MYL4: variants seen among roughly 807,000 people sequenced by gnomAD.
MYL4 encodes myosin light chain 4.
A neutral mutation model predicts 21.6 loss-of-function variants in MYL4; 16 were observed. That is an observed-to-expected ratio of 0.74 (90% CI 0.50 to 1.12). The LOEUF (loss-of-function observed/expected upper bound fraction) is 1.12. Among genes scored for constraint, MYL4 ranks in the 50% most tolerant of loss-of-function variants. The probability of loss-of-function intolerance (pLI) is 0.00; values close to 1 mark genes in which losing one functional copy is unlikely to be tolerated. For synonymous variants in MYL4, 82 were observed against 95.7 expected (o/e 0.86, Z 0.83); for missense variants, 249 against 252.9 (o/e 0.98, Z 0.11).
intron 1 of MYL4, among the ~76,000 whole-genome samples, chr17:47,201,017 CAAA>C (rs2064707321): frequency 6.6e-6 from 1 of 152,034 alleles, no homozygotes; most frequent in Admixed American, 6.6e-5. Flanking sequence ...ACTAAAAATA[CAAA>C]AATTAGCTGG....
At chr17:47,211,551 T>C (rs2064775794) in intron 1 of MYL4, among the ~76,000 whole-genome samples, 1 of 152,216 alleles carries the variant, frequency 6.6e-6, no homozygotes, top group Non-Finnish European at 1.5e-5. Context: ...AGGCAAACTG[T>C]GCCTTTTCCT....
chr17:47,218,703 C>T (rs944897492), intron 2 of MYL4, among the ~76,000 whole-genome samples: 1 of 152,106 alleles, frequency 6.6e-6, no homozygotes, highest in Non-Finnish European at 1.5e-5. Context: ...ACAGGAATTG[C>T]TTGAATCTGG....
upstream of MYL4, among the ~76,000 whole-genome samples, chr17:47,199,302 C>CA (rs564859340): frequency 0.046 from 3,398 of 73,564 alleles, 73 homozygotes; most frequent in African/African-American, 0.11. Context: ...GACTTTGTCT[C>CA]AAAAAAAAAA....
Position 47,223,052 on chromosome 17 carries a change from T to C in MYL4, c.*10T>C, listed in dbSNP as rs1223949374. 3.7e-6 allele frequency: 6 copies of C among 1,614,144 alleles called. No individual in the cohort carries two copies. The East Asian group carries it at 1.3e-4, about 36-fold the overall frequency. ...CATCATGTCAGGGTGAAGCAGAGTC[T>C]TCCAGGTGAGTGCAGCCTCTCCCTC... On this transcript the variant is annotated 3_prime_UTR_variant, in exon 6 of 7. Transcript: ENST00000393450.
exon 1 of MYL4, chr17:47,200,470 T>C (rs2064705352): frequency 6.6e-6 from 1 of 152,170 alleles, no homozygotes. Flanking sequence ...TCCTGCATTC[T>C]AGTCTCAGGT....
At chr17:47,197,676 A>C (rs1479583043), upstream of MYL4, among the ~76,000 whole-genome samples, 1 of 96,594 alleles carries the variant, frequency 1.0e-5, no homozygotes, top group Non-Finnish European at 2.5e-5. Flanking sequence ...TATTCAATAC[A>C]TGAGATTCAG....
At chr17:47,199,423 C>T (rs1332064439), upstream of MYL4, among the ~76,000 whole-genome samples, 2 of 151,846 alleles carry the variant, frequency 1.3e-5, no homozygotes, top group East Asian at 1.9e-4. Context: ...TTCAGTTGTA[C>T]GATCCTCCCG....
chr17:47,213,741 G>A, intron 1 of MYL4, 58 bp from the exon 2 acceptor site: 1 of 1,574,026 alleles, frequency 6.4e-7, no homozygotes, highest in Non-Finnish European at 8.7e-7. Context: ...TCCCTTTGGG[G>A]GGCCTTTACA....
upstream of MYL4, among the ~76,000 whole-genome samples, chr17:47,196,083 T>C (rs534701751): frequency 2.6e-3 from 400 of 152,364 alleles, 5 homozygotes; most frequent in African/African-American, 9.0e-3. Flanking sequence ...AATTCATATG[T>C]TGAAGCTAAC....
chr17:47,216,834 G>A (rs1377991640), intron 2 of MYL4, among the ~76,000 whole-genome samples: 1 of 151,802 alleles, frequency 6.6e-6, no homozygotes, highest in Non-Finnish European at 1.5e-5. Context: ...AGCTGGGATT[G>A]CAGGCATGCA....
At chr17:47,208,336 A>G (rs1447107702), upstream of MYL4, among the ~76,000 whole-genome samples, 4 of 152,188 alleles carry the variant, frequency 2.6e-5, no homozygotes, top group Non-Finnish European at 5.9e-5. Context: ...CGGAAGGCTG[A>G]GGTGGGAGAA....
intron 3 of MYL4, among the ~76,000 whole-genome samples, chr17:47,220,424 C>T (rs748826790): frequency 1.3e-5 from 2 of 152,204 alleles, no homozygotes; most frequent in Non-Finnish European, 2.9e-5. Context: ...TGTCACAGCA[C>T]CGAGGTATCC....
chr17:47,204,633 G>A (rs2064720655), upstream of MYL4, among the ~76,000 whole-genome samples: 1 of 152,010 alleles, frequency 6.6e-6, no homozygotes, highest in Non-Finnish European at 1.5e-5. Flanking sequence ...TTGGGAGACT[G>A]AGGCGGGAGA....
At chr17:47,227,091 G>A (rs1479764889), downstream of MYL4, among the ~76,000 whole-genome samples, 4 of 152,134 alleles carry the variant, frequency 2.6e-5, no homozygotes, top group Admixed American at 2.6e-4. Context: ...CCTGACCTCA[G>A]GTGATCCACC....
chr17:47,198,860 C>T (rs1437843210), upstream of MYL4, among the ~76,000 whole-genome samples: 1 of 152,042 alleles, frequency 6.6e-6, no homozygotes. Flanking sequence ...GTTGTGTATG[C>T]CTCTAGTCTT....
intron 1 of MYL4, among the ~76,000 whole-genome samples, chr17:47,202,231 C>T (rs2064712374): frequency 6.6e-6 from 1 of 152,210 alleles, no homozygotes; most frequent in African/African-American, 2.4e-5. Flanking sequence ...AGTGATCCAC[C>T]TGCCTTGGCC....
chr17:47,209,626 G>A (rs1205264923), intron 1 of MYL4, 69 bp downstream of exon 1: 1 of 1,612,384 alleles, frequency 6.2e-7, no homozygotes. Flanking sequence ...CTGGAGCTTA[G>A]CGATCTACTT....
chr17:47,195,983 T>C (rs149390789), upstream of MYL4, among the ~76,000 whole-genome samples: 4 of 152,364 alleles, frequency 2.6e-5, no homozygotes, highest in Non-Finnish European at 5.9e-5. Flanking sequence ...TAGTATTATT[T>C]GTTTAATGAA....
upstream of MYL4, among the ~76,000 whole-genome samples, chr17:47,196,089 C>T (rs2064688103): frequency 6.6e-6 from 1 of 152,212 alleles, no homozygotes; most frequent in African/African-American, 2.4e-5. Flanking sequence ...TATGTTGAAG[C>T]TAACCCCTAG....
Sources: allele counts gnomAD v4.1 joint callset (sites outside exome capture counted in the v4.1 genomes callset), GRCh38; gene constraint gnomAD v4.1.1; transcripts MANE v1.5; gene names NCBI Gene and HGNC (gene_info 2026-07-23, HGNC 2026-07-21).